CEP120: variants seen among roughly 807,000 people sequenced by gnomAD.
CEP120 encodes the protein centrosomal protein 120, also known as centrosomal protein of 120 kDa.
In CEP120, 113 loss-of-function variants were observed where a neutral mutation model predicts 126.5. The observed-to-expected ratio is 0.89, with a 90% CI of 0.77 to 1.04. The LOEUF is 1.04. CEP120 is among the 50% of genes least tolerant of loss of function. The pLI is 0.00. For synonymous variants in CEP120, 400 were observed against 394.3 expected (o/e 1.01, Z -0.17); for missense variants, 1,230 against 1,155.7 (o/e 1.06, Z -0.93).
Position 123,382,177 on chromosome 5 carries a change from A to G in CEP120, c.2037T>C (p.His679=), listed in dbSNP as rs2127047422. 1 of 1,609,286 alleles carries G rather than the reference A, an allele frequency of 6.2e-7. No homozygotes were observed. Among genetic ancestry groups the G allele is most frequent in the Non-Finnish European group, 8.5e-7 (1 of 1,177,852 alleles). The change falls in exon 14 of 20, where the codon CAT becomes CAC. Residue 679 remains histidine, a synonymous_variant. Coordinates refer to ENST00000306467, the MANE Select transcript of CEP120 (RefSeq NM_001375405.1). ...ENQLKQKELA[H]MQALAEEWKK... ...TCCATTCCTCTGCAAGAGCCTGCAT[A>G]TGAGCCAGTTCTTTCTGCTTCAGCT...
intron 14 of CEP120, 73 bp downstream of exon 14, chr5:123,382,038 G>A: frequency 9.5e-7 from 1 of 1,049,234 alleles, no homozygotes; most frequent in Non-Finnish European, 1.4e-6. Flanking sequence ...TCCAGAGACT[G>A]TCTTTAACGC....
At chr5:123,353,976 T>C (rs1769384834) in intron 18 of CEP120, among the ~76,000 whole-genome samples, 1 of 152,092 alleles carries the variant, frequency 6.6e-6, no homozygotes, top group Non-Finnish European at 1.5e-5. Context: ...CATTTTACTT[T>C]CTTCTTGTTC....
chr5:123,418,403 A>G lies in CEP120; in HGVS notation c.162T>C (p.Thr54=). 1.2e-6 allele frequency: 2 copies of G among 1,611,780 alleles called. No homozygotes were observed. The highest frequency in any genetic ancestry group is 2.7e-5 in the African/African-American group (2 of 75,014). ...TCCTGTCAATTTCCCAAGCTAACTCAGTAGCAAATTCTGGCTGGTCAGTGT... is the reference window on the plus strand; with the variant it reads ...TCCTGTCAATTTCCCAAGCTAACTCGGTAGCAAATTCTGGCTGGTCAGTGT... The part of the protein sequence containing the change: ...VDHTDQPEFA[T]ELAWEIDRKA... The change falls in exon 2 of 20, where the codon ACT becomes ACC. Residue 54 remains threonine (T), a synonymous_variant. Transcript: ENST00000306467.
intron 18 of CEP120, among the ~76,000 whole-genome samples, chr5:123,357,484 ACTT>A (rs1769728016): frequency 6.6e-6 from 1 of 152,288 alleles, no homozygotes; most frequent in African/African-American, 2.4e-5. Flanking sequence ...AGTATTTCAA[ACTT>A]CTTGTCTGAT....
At chr5:123,391,441 T>C in intron 6 of CEP120, 104 bp from the exon 7 acceptor site, 1 of 880,778 alleles carries the variant, frequency 1.1e-6, no homozygotes, top group Non-Finnish European at 1.8e-6. Context: ...GGAAAGAAAA[T>C]ATTATGCAGG....
At chr5:123,405,427 ATTCTG>A (rs1227498296) in intron 4 of CEP120, among the ~76,000 whole-genome samples, 2 of 152,200 alleles carry the variant, frequency 1.3e-5, no homozygotes, top group Non-Finnish European at 1.5e-5. Context: ...ATGCCAGACA[ATTCTG>A]TTCTTGTTAA....
chr5:123,400,557 T>C (rs987392209), intron 4 of CEP120, among the ~76,000 whole-genome samples: 5 of 151,808 alleles, frequency 3.3e-5, no homozygotes, highest in South Asian at 2.1e-4. Flanking sequence ...ACAATATATA[T>C]ACTGAAGCGT....
intron 18 of CEP120, among the ~76,000 whole-genome samples, chr5:123,362,526 T>C (rs1447757045): frequency 6.6e-6 from 1 of 151,696 alleles, no homozygotes; most frequent in Non-Finnish European, 1.5e-5. Context: ...CGCTTTCACT[T>C]TTGCACCTAC....
chr5:123,349,523 C>G (rs1769056713), intron 19 of CEP120, among the ~76,000 whole-genome samples: 1 of 151,804 alleles, frequency 6.6e-6, no homozygotes, highest in Non-Finnish European at 1.5e-5. Context: ...TATCATCACA[C>G]AAAAATAAAT....
Position 123,391,300 on chromosome 5 carries a change from G to T in CEP120, c.848C>A (p.Thr283Lys), listed in dbSNP as rs750895574. 6.2e-7 allele frequency: 1 copy of T among 1,614,082 alleles called. No homozygotes were observed. The highest frequency in any genetic ancestry group is 1.1e-5 in the South Asian group (1 of 91,072). ...LCCGDQSLGS[T>K]EIPLTGLLKK... ...AAGTAATCCAGTTAAAGGTATTTCT[G>T]TACTTCCAAGTGACTGGTCTCCACA... The change falls in exon 7 of 20, where the codon ACA becomes AAA. Residue 283 changes from threonine (T) to lysine (K), a missense_variant. Coordinates refer to ENST00000306467, the MANE Select transcript of CEP120 (RefSeq NM_001375405.1).
Position 123,383,062 on chromosome 5 carries a change from T to C in CEP120, c.1784A>G (p.Asp595Gly). The C allele has an allele frequency of 6.5e-7, 1 of 1,529,696 alleles. No individual in the cohort carries two copies. 94.8% of individuals were successfully genotyped at this position (1,529,696 alleles called of 1,614,324 possible). A position where few individuals can be genotyped will look rare whatever the true frequency, so the allele number is the denominator to read the frequency against. ...AAQGSNNRIA[D>G]LSYTVTLEDY... is the part of the protein sequence containing the mutation. Reference sequence around the variant, plus strand: ...TTCTAGAGTCACTGTGTAAGAAAGATCTGCTATCCTGTTATTTGATCTACA... The same window carrying C: ...TTCTAGAGTCACTGTGTAAGAAAGACCTGCTATCCTGTTATTTGATCTACA... The change falls in exon 12 of 20, where the codon GAT (aspartate) becomes GGT (glycine). Residue 595 changes from aspartate (D) to glycine (G), a missense_variant. By Grantham distance (94) the Asp-to-Gly change is moderately conservative. Coordinates refer to ENST00000306467, the MANE Select transcript of CEP120 (RefSeq NM_001375405.1).
intron 3 of CEP120, among the ~76,000 whole-genome samples, chr5:123,412,955 C>T (rs944819088): frequency 1.3e-5 from 2 of 152,108 alleles, no homozygotes; most frequent in East Asian, 1.9e-4. Context: ...AGACCTGCTT[C>T]GTTCTGCTTA....
At chr5:123,377,316 C>CT in intron 16 of CEP120, 58 bp downstream of exon 16, 1 of 1,517,294 alleles carries the variant, frequency 6.6e-7, no homozygotes, top group Non-Finnish European at 9.0e-7. Flanking sequence ...AACTATTTCT[C>CT]TTATTACTAG....
intron 16 of CEP120, among the ~76,000 whole-genome samples, chr5:123,375,100 A>G (rs1771118131): frequency 6.6e-6 from 1 of 152,084 alleles, no homozygotes; most frequent in Non-Finnish European, 1.5e-5. Flanking sequence ...AAGCTTTTCC[A>G]CACCTAAAAC....
At chr5:123,389,780 G>A (rs544686182) in intron 8 of CEP120, 144 bp downstream of exon 8, 94 of 691,580 alleles carry the variant, frequency 1.4e-4, no homozygotes, top group South Asian at 1.2e-3. Flanking sequence ...GATTACAGGC[G>A]TGAGCCACCG....
intron 5 of CEP120, among the ~76,000 whole-genome samples, chr5:123,398,397 CA>C (rs1324248901): frequency 6.6e-6 from 1 of 152,180 alleles, no homozygotes; most frequent in African/African-American, 2.4e-5. Flanking sequence ...CTCTTTTACT[CA>C]GCCCATTTCC....
chr5:123,390,405 C>T (rs1316878067), intron 7 of CEP120: 1 of 529,988 alleles, frequency 1.9e-6, no homozygotes, highest in Non-Finnish European at 3.6e-6. Context: ...AGAAGTCAGG[C>T]ATAGGTGTCC....
At chr5:123,410,074 A>G (rs1458346450) in intron 4 of CEP120, among the ~76,000 whole-genome samples, 3 of 151,670 alleles carry the variant, frequency 2.0e-5, no homozygotes, top group Non-Finnish European at 4.4e-5. Context: ...CAGCTTTCTT[A>G]TATGCCAGCA....
intron 4 of CEP120, 105 bp from the exon 5 acceptor site, chr5:123,399,389 A>C (rs768590172): frequency 7.8e-5 from 78 of 995,560 alleles, no homozygotes; most frequent in Non-Finnish European, 1.1e-4. Context: ...AATTTTCATG[A>C]ATACAGTTAA....
Sources: allele counts gnomAD v4.1 joint callset (sites outside exome capture counted in the v4.1 genomes callset), GRCh38; gene constraint gnomAD v4.1.1; transcripts MANE v1.5; gene names NCBI Gene and HGNC (gene_info 2026-07-23, HGNC 2026-07-21).